PRAG1: variants seen among roughly 807,000 people sequenced by gnomAD.
PRAG1 encodes the protein PEAK1 related, kinase-activating pseudokinase 1.
In PRAG1, 110 loss-of-function variants were observed where a neutral mutation model predicts 95.6. That is an observed-to-expected ratio of 1.15 (90% CI 0.99 to 1.35). The LOEUF is 1.35. Among genes scored for constraint, PRAG1 ranks in the 40% most tolerant of loss-of-function variants. The pLI is 0.00. For missense variants in PRAG1, 2,554 were observed against 1,864.7 expected (o/e 1.37, Z -6.81); for synonymous variants, 1,052 against 819.4 (o/e 1.28, Z -4.85).
In PRAG1 at chr8:8,377,812, G is replaced by C; in HGVS notation, c.597C>G (p.Asp199Glu). 6.2e-7 allele frequency: 1 copy of C among 1,614,148 alleles called. No homozygotes were observed. The highest frequency in any genetic ancestry group is 8.5e-7 in the Non-Finnish European group (1 of 1,180,046). ...GGAAGCTCTCCTGGGTGGAGGGCCG[G>C]TCTTGGTAAGGAAATGAGGGTTTTT... Reference protein sequence around the residue: ...HKEKPSFPYQDRPSTQESFRQ... With the variant: ...HKEKPSFPYQERPSTQESFRQ... Residue 199 changes from aspartate to glutamate, a missense_variant, in exon 3 of 6, where the codon GAC becomes GAG. Asp to Glu is a conservative substitution (Grantham distance 45). Coordinates refer to ENST00000615670, the MANE Select transcript of PRAG1 (RefSeq NM_001080826.3).
chr8:8,384,355 T>G (rs949068925), intron 1 of PRAG1, among the ~76,000 whole-genome samples: 6 of 152,054 alleles, frequency 3.9e-5, no homozygotes, highest in Non-Finnish European at 8.8e-5. Context: ...GGGGGAAGTT[T>G]CCTTGAGAAT....
chr8:8,360,392 C>T (rs1315249592), intron 3 of PRAG1, among the ~76,000 whole-genome samples: 1 of 152,182 alleles, frequency 6.6e-6, no homozygotes, highest in Admixed American at 6.5e-5. Flanking sequence ...CCTTCATTCT[C>T]TCTGCATTCC....
intron 5 of PRAG1, 53 bp downstream of exon 5, chr8:8,327,657 A>G: frequency 6.4e-7 from 1 of 1,562,128 alleles, no homozygotes; most frequent in Admixed American, 1.8e-5. Flanking sequence ...AGTTCTGCCC[A>G]AGCCAGCACC....
chr8:8,385,839 C>T (rs1800828303), intron 1 of PRAG1, among the ~76,000 whole-genome samples: 1 of 152,094 alleles, frequency 6.6e-6, no homozygotes, highest in African/African-American at 2.4e-5. Context: ...GGCATCATCT[C>T]GTTGCCTCTG....
In PRAG1 at chr8:8,377,241, A is replaced by G. The variant is rs770680421; in HGVS notation, c.1168T>C (p.Cys390Arg). 9.3e-6 allele frequency: 15 copies of G among 1,612,844 alleles called. No homozygotes were observed. The highest frequency in any genetic ancestry group is 6.6e-5 in the South Asian group (6 of 91,072). The change falls in exon 3 of 6, where the codon TGC becomes CGC. Residue 390 changes from cysteine (C) to arginine (R), a missense_variant. By Grantham distance (180) the Cys-to-Arg change is radical. Transcript: ENST00000615670. ...PGCPGVTPSR[C>R]LGLTGEPQPP... ...TGGGGCTCCCCCGTCAGCCCAAGGC[A>G]TCTGCTAGGGGTCACCCCTGGGCAG...
intron 3 of PRAG1, among the ~76,000 whole-genome samples, chr8:8,361,281 A>T (rs1422076122): frequency 2.6e-5 from 4 of 152,182 alleles, no homozygotes; most frequent in African/African-American, 9.6e-5. Context: ...TCTCCTGCTG[A>T]AGTCCTTTCT....
At chr8:8,335,925 A>G (rs1798969905) in intron 4 of PRAG1, among the ~76,000 whole-genome samples, 1 of 152,196 alleles carries the variant, frequency 6.6e-6, no homozygotes, top group Admixed American at 6.5e-5. Context: ...CAAATGAATG[A>G]CTGCATTAAT....
intron 3 of PRAG1, among the ~76,000 whole-genome samples, chr8:8,343,245 A>G (rs1199329362): frequency 6.6e-6 from 1 of 152,240 alleles, no homozygotes; most frequent in Non-Finnish European, 1.5e-5. Flanking sequence ...TTAAAGATAT[A>G]GGGAAATAGG....
intron 3 of PRAG1, among the ~76,000 whole-genome samples, chr8:8,347,194 G>A (rs902104592): frequency 3.3e-5 from 5 of 152,204 alleles, no homozygotes; most frequent in African/African-American, 1.2e-4. Flanking sequence ...CCTCATCAGT[G>A]AGGCCTCCCC....
intron 4 of PRAG1, among the ~76,000 whole-genome samples, chr8:8,334,165 C>T (rs1459976989): frequency 2.0e-5 from 3 of 152,144 alleles, no homozygotes; most frequent in Non-Finnish European, 2.9e-5. Context: ...CAAAGCAGGC[C>T]GGGCTCAGTG....
intron 5 of PRAG1, 102 bp downstream of exon 5, chr8:8,327,608 C>G: frequency 7.5e-7 from 1 of 1,332,026 alleles, no homozygotes; most frequent in Non-Finnish European, 1.0e-6. Context: ...CAACTCCCCT[C>G]CTAATGCCCA....
intron 4 of PRAG1, among the ~76,000 whole-genome samples, chr8:8,329,407 A>T (rs559459007): frequency 6.6e-6 from 1 of 151,840 alleles, no homozygotes; most frequent in African/African-American, 2.4e-5. Flanking sequence ...AATAATAATA[A>T]TGGGTTGCAG....
chr8:8,320,246 A>G (rs904676112), intron 5 of PRAG1, among the ~76,000 whole-genome samples: 2 of 152,196 alleles, frequency 1.3e-5, no homozygotes, highest in Non-Finnish European at 2.9e-5. Context: ...GAAAGAAACC[A>G]GAAAGCTCTC....
chr8:8,318,442 G>T lies in PRAG1; in HGVS notation c.3933C>A (p.Asp1311Glu). The T allele has an allele frequency of 1.9e-6, 3 of 1,612,530 alleles. No homozygotes were observed. The highest frequency in any genetic ancestry group is 8.5e-7 in the Non-Finnish European group (1 of 1,179,810). ...QQLAHLLLEA[D>E]PIKRIRIGEA... is the part of the protein sequence containing the mutation. ...CGCCGATGCGGATACGCTTGATGGG[G>T]TCGGCCTCCAGTAGCAGATGTGCCA... Residue 1311 changes from aspartate (D) to glutamate (E), a missense_variant, in exon 6 of 6, where the codon GAC becomes GAA. Physicochemically the swap from Asp to Glu is conservative, Grantham distance 45 (BLOSUM62 2). Coordinates refer to ENST00000615670, the MANE Select transcript of PRAG1 (RefSeq NM_001080826.3). The surrounding 1 kb of genome is among the most constrained non-coding windows in gnomAD (Gnocchi z 4.2).
At chr8:8,334,762 G>A (rs1040602519) in intron 4 of PRAG1, among the ~76,000 whole-genome samples, 3 of 150,904 alleles carry the variant, frequency 2.0e-5, no homozygotes, top group African/African-American at 4.9e-5. Context: ...GTTTTCTTCC[G>A]AGTTAGTAAA....
chr8:8,377,039 G>T lies in PRAG1; in HGVS notation c.1370C>A (p.Ser457Tyr). ...GTCTGGGCTGTCCCGGCCCCAGCCA[G>T]ATGCTGCTTTCTGGGCCCAGGCATT... is the stretch of plus-strand genomic sequence containing the variant. ...TGNAWAQKAA[S>Y]GWGRDSPDPT... The change falls in exon 3 of 6, where the codon TCT becomes TAT. Residue 457 changes from serine to tyrosine, a missense_variant. Physicochemically the swap from Ser to Tyr is moderately radical, Grantham distance 144 (BLOSUM62 -2). Coordinates refer to ENST00000615670, the MANE Select transcript of PRAG1 (RefSeq NM_001080826.3). 1.9e-6 allele frequency: 3 copies of T among 1,614,032 alleles called. No individual in the cohort carries two copies. Among genetic ancestry groups the T allele is most frequent in the Non-Finnish European group, 2.5e-6 (3 of 1,180,032 alleles).
At chr8:8,380,457 G>T (rs544334883) in intron 2 of PRAG1, among the ~76,000 whole-genome samples, 2 of 151,958 alleles carry the variant, frequency 1.3e-5, no homozygotes, top group African/African-American at 4.8e-5. Context: ...AGATTAGTTG[G>T]GCATGGCAGT....
chr8:8,355,834 C>A (rs545856767), intron 3 of PRAG1, among the ~76,000 whole-genome samples: 2 of 152,038 alleles, frequency 1.3e-5, no homozygotes, highest in Non-Finnish European at 2.9e-5. Context: ...GAGAAAAGAA[C>A]ATAGGAAAAT....
intron 3 of PRAG1, among the ~76,000 whole-genome samples, chr8:8,365,793 T>TAG (rs1376527995): frequency 1.3e-5 from 2 of 149,724 alleles, no homozygotes; most frequent in Non-Finnish European, 3.0e-5. Flanking sequence ...TGAAACCCTA[T>TAG]ATATATATAT....
Sources: gnomAD v4.1 joint callset for allele counts (sites outside exome capture counted in the v4.1 genomes callset) on GRCh38, gnomAD v4.1.1 for gene constraint, Gnocchi (gnomAD v3.1) non-coding constraint, MANE v1.5 for transcripts, NCBI Gene and HGNC (gene_info 2026-07-23, HGNC 2026-07-21) for gene names.